LINGO2: variants seen among roughly 807,000 people sequenced by gnomAD.
LINGO2 encodes the protein leucine-rich repeat and immunoglobulin-like domain-containing nogo receptor-interacting protein 2.
LINGO2 carries 14 observed loss-of-function variants against 30.6 expected under a neutral mutation model. The ratio of observed to expected loss-of-function variants is 0.46; its 90% CI spans 0.30 to 0.72. The LOEUF (loss-of-function observed/expected upper bound fraction) is 0.72. Ranked by LOEUF, LINGO2 falls within the 30% of genes least tolerant of loss-of-function variation. The pLI is 0.07. For synonymous variants in LINGO2, 317 were observed against 288.5 expected, an observed-to-expected ratio of 1.10 and a Z score of -1.00; for missense variants, 729 against 751.7, an observed-to-expected ratio of 0.97 and a Z score of 0.35.
At chr9:29,105,864 CAG>C in the LINGO2 span, among the ~76,000 whole-genome samples, 1 of 152,120 alleles carries the variant, frequency 6.6e-6, no homozygotes, top group African/African-American at 2.4e-5. Context: ...AGCACAATAA[CAG>C]AGATTTCAGT....
At chr9:28,029,172 GAAGCC>G (rs1167012990) in intron 4 of LINGO2, among the ~76,000 whole-genome samples, 1 of 151,874 alleles carries the variant, frequency 6.6e-6, no homozygotes, top group Non-Finnish European at 1.5e-5. Flanking sequence ...GTCCCTTTAA[GAAGCC>G]AAGTGATAAG....
At chr9:29,194,013 G>C in the LINGO2 span, among the ~76,000 whole-genome samples, 1 of 152,030 alleles carries the variant, frequency 6.6e-6, no homozygotes. Context: ...AATGGAAGGG[G>C]GCTTGTCCTC....
chr9:28,186,763 C>G (rs780694054), intron 4 of LINGO2, among the ~76,000 whole-genome samples: 1 of 152,016 alleles, frequency 6.6e-6, no homozygotes, highest in Non-Finnish European at 1.5e-5. Context: ...GATGCGAAGG[C>G]CCTGAGGTAG....
intron 1 of LINGO2, among the ~76,000 whole-genome samples, chr9:28,575,431 A>C (rs1823919492): frequency 6.6e-6 from 1 of 151,344 alleles, no homozygotes; most frequent in South Asian, 2.1e-4. Context: ...AAAAAACAAC[A>C]CAAAAAAAAC....
chr9:28,233,030 TTATATATATATATATA>T (rs1554690875), intron 4 of LINGO2, among the ~76,000 whole-genome samples: 9 of 77,680 alleles, frequency 1.2e-4, no homozygotes, highest in African/African-American at 2.3e-4. Flanking sequence ...ACAGTAAACA[TTATATATATATATATA>T]TATATATATA....
At chr9:28,258,820 A>G (rs975560433) in intron 4 of LINGO2, among the ~76,000 whole-genome samples, 14 of 152,066 alleles carry the variant, frequency 9.2e-5, no homozygotes, top group South Asian at 2.1e-4. Context: ...TACAATGTGT[A>G]TAAGTCATAT....
the LINGO2 span, among the ~76,000 whole-genome samples, chr9:28,821,944 C>T: frequency 6.6e-6 from 1 of 152,274 alleles, no homozygotes; most frequent in East Asian, 1.9e-4. Flanking sequence ...GGGGTCTTCA[C>T]TGACAGAAGG....
intron 4 of LINGO2, among the ~76,000 whole-genome samples, chr9:28,109,511 C>A (rs1475165890): frequency 1.3e-5 from 2 of 152,034 alleles, no homozygotes; most frequent in Non-Finnish European, 2.9e-5. Context: ...CACTCACCCC[C>A]AAAACTCCTT....
rs1008907384 is a variant in LINGO2, at chr9:28,078,877, C to T, written c.-86-66472G>A. ...AAAAAAAAATCTATAGACTCTTCTA[C>T]TGAAATCTTATAGGCCAAGTGGGAG... On this transcript the variant is annotated intron_variant, in intron 4 of 5. Coordinates refer to ENST00000379992, the Ensembl canonical transcript of LINGO2. Among the ~76,000 whole-genome samples the T allele has an allele frequency of 2.0e-5, 3 of 148,070 alleles. No homozygotes were observed. In the East Asian group the frequency reaches 5.8e-4, roughly 29 times the overall value.
At chr9:28,021,602 A>G (rs1436947109) in intron 4 of LINGO2, among the ~76,000 whole-genome samples, 1 of 152,116 alleles carries the variant, frequency 6.6e-6, no homozygotes, top group Non-Finnish European at 1.5e-5. Context: ...AAAGTTTCCA[A>G]CAATAATAGT....
the LINGO2 span, among the ~76,000 whole-genome samples, chr9:28,801,949 C>T: frequency 6.6e-6 from 1 of 151,888 alleles, no homozygotes; most frequent in Admixed American, 6.6e-5. Flanking sequence ...ACAATTCTCA[C>T]AGAAACACTG....
the LINGO2 span, among the ~76,000 whole-genome samples, chr9:29,206,061 A>T: frequency 6.6e-6 from 1 of 152,162 alleles, no homozygotes; most frequent in Admixed American, 6.5e-5. Flanking sequence ...TCAGTATTTC[A>T]TTCCTTTTCA....
intron 1 of LINGO2, among the ~76,000 whole-genome samples, chr9:28,559,491 G>A (rs1037332189): frequency 1.3e-5 from 2 of 152,162 alleles, no homozygotes; most frequent in South Asian, 2.1e-4. Context: ...CTTACAGCTT[G>A]TAGTATGCTC....
At chr9:28,435,934 T>C (rs1167714924) in intron 2 of LINGO2, among the ~76,000 whole-genome samples, 3 of 152,160 alleles carry the variant, frequency 2.0e-5, no homozygotes, top group Admixed American at 1.3e-4. Context: ...TACTCACTGA[T>C]TGATTGACAG....
At chr9:28,109,595 C>T (rs556871387) in intron 4 of LINGO2, among the ~76,000 whole-genome samples, 5 of 152,066 alleles carry the variant, frequency 3.3e-5, no homozygotes, top group African/African-American at 1.2e-4. Flanking sequence ...TTCCTATACA[C>T]CAACAATGGA....
chr9:28,053,214 C>A (rs1265543318), intron 4 of LINGO2, among the ~76,000 whole-genome samples: 2 of 152,002 alleles, frequency 1.3e-5, no homozygotes, highest in Non-Finnish European at 2.9e-5. Flanking sequence ...AGCATTTATA[C>A]TGAGTCCTGG....
At chr9:28,722,471 AT>A in the LINGO2 span, among the ~76,000 whole-genome samples, 3 of 152,134 alleles carry the variant, frequency 2.0e-5, no homozygotes, top group African/African-American at 7.2e-5. Flanking sequence ...CCCAATGTGA[AT>A]TTGAAGAGCA....
At chr9:28,522,492 A>AAC (rs1820862837) in intron 1 of LINGO2, among the ~76,000 whole-genome samples, 1 of 152,200 alleles carries the variant, frequency 6.6e-6, no homozygotes. Context: ...ATTTTAAAGA[A>AAC]ACACTCCATC....
At chr9:28,536,151 C>T (rs752336757) in intron 1 of LINGO2, among the ~76,000 whole-genome samples, 3 of 152,064 alleles carry the variant, frequency 2.0e-5, no homozygotes, top group South Asian at 2.1e-4. Context: ...CATCAGAACC[C>T]GAAGATACAC....
Sources: allele counts gnomAD v4.1 joint callset (sites outside exome capture counted in the v4.1 genomes callset), GRCh38; gene constraint gnomAD v4.1.1; transcripts MANE v1.5; gene names NCBI Gene and HGNC (gene_info 2026-07-23, HGNC 2026-07-21).